The following EPB41L1 variants were observed in gnomAD, a reference collection of about 807,000 sequenced individuals.
EPB41L1 encodes the protein band 4.1-like protein 1.
In EPB41L1, 29 loss-of-function variants were observed where a neutral mutation model predicts 97.8. The ratio of observed to expected loss-of-function variants is 0.30; its 90% confidence interval spans 0.22 to 0.40. EPB41L1 has a LOEUF of 0.40. Ranked by LOEUF, EPB41L1 falls within the 10% of genes least tolerant of loss-of-function variation. EPB41L1 has a pLI of 1.00. For synonymous variants in EPB41L1, 383 were observed against 459.2 expected (o/e 0.83, Z 2.12); for missense variants, 812 against 1,162.3 (o/e 0.70, Z 4.38).
chr20:36,231,609 T>C lies in EPB41L1; in HGVS notation c.*2269T>C, dbSNP rs903114408. 5 of 152,312 alleles carry C rather than the reference T, an allele frequency of 3.3e-5. No individual in the cohort carries two copies. Among genetic ancestry groups the C allele is most frequent in the Non-Finnish European group, 7.3e-5 (5 of 68,104 alleles). The allele number at this position is 152,312 out of a possible 1,614,324, so 9.4% of individuals were successfully genotyped here. A position where few individuals can be genotyped will look rare whatever the true frequency, so the allele number is the denominator to read the frequency against. On this transcript the variant is annotated 3_prime_UTR_variant, in exon 22 of 22. Coordinates refer to ENST00000338074, the MANE Select transcript of EPB41L1 (RefSeq NM_012156.2). ...GGCTTGTCAGTGATGACATACACCT[T>C]AGCTGCTTAGCTGGTGCTGGCCTGA...
Position 36,218,976 on chromosome 20 carries a change from G to C in EPB41L1, c.2355+14G>C, listed in dbSNP as rs1020585659. 3.7e-6 allele frequency: 6 copies of C among 1,612,992 alleles called. No homozygotes were observed. The highest frequency in any genetic ancestry group is 5.1e-6 in the Non-Finnish European group (6 of 1,179,398). ...TCTCTTTCTCCGGTAAGTGGGCAAG[G>C]CCAGCTCAGGCTAGGGGACTCCACA... is the stretch of plus-strand genomic sequence containing the variant. On this transcript the variant is annotated intron_variant, in intron 18 of 21. Transcript: ENST00000338074.
intron 1 of EPB41L1, among the ~76,000 whole-genome samples, chr20:36,103,460 G>A (rs934516054): frequency 1.3e-5 from 2 of 152,186 alleles, no homozygotes; most frequent in East Asian, 3.9e-4. Flanking sequence ...CTTAAATTCC[G>A]ATCTTGATTC....
intron 21 of EPB41L1, among the ~76,000 whole-genome samples, chr20:36,227,482 C>T (rs1231136286): frequency 6.6e-6 from 1 of 152,202 alleles, no homozygotes; most frequent in Non-Finnish European, 1.5e-5. Flanking sequence ...GCTGTAATAA[C>T]TAAACAACAC....
chr20:36,214,554 G>A, intron 17 of EPB41L1, 114 bp downstream of exon 17: 1 of 825,188 alleles, frequency 1.2e-6, no homozygotes, highest in African/African-American at 1.7e-5. Flanking sequence ...TGCCCTCGCT[G>A]CATCAGGCAT....
At chr20:36,118,977 T>C (rs778387013) in intron 2 of EPB41L1, among the ~76,000 whole-genome samples, 3 of 152,208 alleles carry the variant, frequency 2.0e-5, no homozygotes, top group Non-Finnish European at 2.9e-5. Flanking sequence ...AAATAAGTTT[T>C]TATGCTATCT....
At chr20:36,226,926 AAAACC>A (rs757884070) in intron 21 of EPB41L1, among the ~76,000 whole-genome samples, 1 of 152,218 alleles carries the variant, frequency 6.6e-6, no homozygotes, top group Non-Finnish European at 1.5e-5. Context: ...ACTGTAAGGA[AAAACC>A]AAACCAAACC....
rs1037634271 is a variant in EPB41L1, at chr20:36,212,094, G to A, written c.2080-178G>A. ...TGGTGGTGGTCCTGGCTCTCCTCGC[G>A]GGCTATCTGTCTATGATATCACACC... is the stretch of plus-strand genomic sequence containing the variant. On this transcript the variant is annotated intron_variant, in intron 15 of 21. Transcript: ENST00000338074. This position sits in a 1 kb window ranked among gnomAD's most constrained non-coding sequence, Gnocchi z 4.8. Among the ~76,000 whole-genome samples the A allele has an allele frequency of 2.6e-5, 4 of 152,170 alleles. No homozygotes were observed. Among genetic ancestry groups the A allele is most frequent in the Non-Finnish European group, 5.9e-5 (4 of 68,032 alleles).
At chr20:36,101,751 G>A (rs781102912) in intron 1 of EPB41L1, among the ~76,000 whole-genome samples, 1 of 152,190 alleles carries the variant, frequency 6.6e-6, no homozygotes, top group East Asian at 1.9e-4. Context: ...GCTCATGCCT[G>A]TAATCCCAGC....
At chr20:36,120,343 C>T (rs907420828) in intron 2 of EPB41L1, among the ~76,000 whole-genome samples, 11 of 152,308 alleles carry the variant, frequency 7.2e-5, no homozygotes, top group African/African-American at 2.4e-4. Flanking sequence ...TGAGTCTTAT[C>T]CGCTGGACTG....
intron 14 of EPB41L1, among the ~76,000 whole-genome samples, chr20:36,200,404 C>T (rs2062433464): frequency 6.6e-6 from 1 of 152,158 alleles, no homozygotes; most frequent in Non-Finnish European, 1.5e-5. Context: ...GCAGCCTCCT[C>T]GTATATTGTT....
intron 1 of EPB41L1, among the ~76,000 whole-genome samples, chr20:36,165,818 A>T (rs1463481316): frequency 6.6e-6 from 1 of 152,220 alleles, no homozygotes; most frequent in Non-Finnish European, 1.5e-5. Context: ...TTTCCTTTTC[A>T]ATCTTGGGAA....
chr20:36,101,478 G>C (rs2058015358), intron 1 of EPB41L1, among the ~76,000 whole-genome samples: 1 of 152,066 alleles, frequency 6.6e-6, no homozygotes, highest in African/African-American at 2.4e-5. Flanking sequence ...GCCTGCCTGA[G>C]CAGGTGGCTC....
upstream of EPB41L1, chr20:36,152,765 G>A (rs576404659): frequency 1.6e-3 from 541 of 340,276 alleles, 1 homozygote; most frequent in Non-Finnish European, 2.5e-3. Context: ...GTGTGGCAAA[G>A]TGACTTGCCC....
chr20:36,160,127 A>G (rs762256850), intron 1 of EPB41L1, among the ~76,000 whole-genome samples: 6 of 152,256 alleles, frequency 3.9e-5, no homozygotes, highest in Admixed American at 6.5e-5. Context: ...ATGGTATAAA[A>G]TTAGGTATGA....
chr20:36,122,634 C>G (rs2058791371), intron 2 of EPB41L1: 1 of 152,578 alleles, frequency 6.6e-6, no homozygotes, highest in African/African-American at 2.4e-5. Flanking sequence ...CCCCATACCC[C>G]CAAATCCCAG....
chr20:36,185,989 G>A (rs1312980959), intron 7 of EPB41L1, among the ~76,000 whole-genome samples: 1 of 152,172 alleles, frequency 6.6e-6, no homozygotes, highest in Non-Finnish European at 1.5e-5. Flanking sequence ...ATTGTAGGCT[G>A]GTTATTTAAC....
chr20:36,173,940 C>A lies in EPB41L1; in HGVS notation c.163C>A (p.Arg55=). 1 of 1,613,166 alleles carries A rather than the reference C, an allele frequency of 6.2e-7. No individual in the cohort carries two copies. Among genetic ancestry groups the A allele is most frequent in the Non-Finnish European group, 8.5e-7 (1 of 1,179,600 alleles). The change falls in exon 2 of 22, where the codon CGG becomes AGG. Residue 55 remains arginine, a synonymous_variant. Coordinates refer to ENST00000338074, the MANE Select transcript of EPB41L1 (RefSeq NM_012156.2). The part of the protein sequence containing the change: ...NEKHPSQQDT[R]PAEQSLDMEE... Reference sequence around the variant, plus strand: ...GAAGCATCCATCCCAGCAGGACACGCGGCCTGCTGAACAGGTGTGTGCCCG... The same window carrying A: ...GAAGCATCCATCCCAGCAGGACACGAGGCCTGCTGAACAGGTGTGTGCCCG...
At chr20:36,208,561 C>T (rs564378867) in intron 14 of EPB41L1, among the ~76,000 whole-genome samples, 1 of 152,342 alleles carries the variant, frequency 6.6e-6, no homozygotes, top group African/African-American at 2.4e-5. Context: ...CTCAACCTTC[C>T]AGAAACTGGC....
At chr20:36,147,540 A>G (rs1395045997) in intron 2 of EPB41L1, among the ~76,000 whole-genome samples, 1 of 152,222 alleles carries the variant, frequency 6.6e-6, no homozygotes, top group Non-Finnish European at 1.5e-5. Context: ...ATTTAACTTC[A>G]GTTTCCTCCC....
Sources: gnomAD v4.1 joint callset for allele counts (sites outside exome capture counted in the v4.1 genomes callset) on GRCh38, gnomAD v4.1.1 for gene constraint, Gnocchi (gnomAD v3.1) non-coding constraint, MANE v1.5 for transcripts, NCBI Gene and HGNC (gene_info 2026-07-23, HGNC 2026-07-21) for gene names.